CADM1: variants seen among roughly 807,000 people sequenced by gnomAD.
CADM1 encodes cell adhesion molecule 1.
Under a neutral mutation model 53.1 loss-of-function variants are expected in CADM1, and 15 were observed. The observed-to-expected ratio is 0.28, with a 90% CI of 0.19 to 0.44. CADM1 has a LOEUF of 0.44. CADM1 is among the 20% of genes least tolerant of loss of function. The pLI is 1.00. For missense variants in CADM1, 434 were observed against 611.3 expected, an observed-to-expected ratio of 0.71 and a Z score of 3.06; for synonymous variants, 281 against 243.0, an observed-to-expected ratio of 1.16 and a Z score of -1.45.
At chr11:115,484,980 G>A (rs535605008) in intron 1 of CADM1, among the ~76,000 whole-genome samples, 2 of 151,720 alleles carry the variant, frequency 1.3e-5, no homozygotes, top group Admixed American at 6.6e-5. Flanking sequence ...AAAACAACCT[G>A]GAATCTTGTT....
chr11:115,319,209 C>G (rs1944756194), intron 1 of CADM1, among the ~76,000 whole-genome samples: 3 of 152,124 alleles, frequency 2.0e-5, no homozygotes, highest in Admixed American at 2.0e-4. Context: ...TCCCTCACAT[C>G]TAGGTCATGA....
intron 10 of CADM1, among the ~76,000 whole-genome samples, chr11:115,189,403 C>A (rs1450965026): frequency 1.3e-5 from 2 of 152,164 alleles, no homozygotes; most frequent in African/African-American, 4.8e-5. Flanking sequence ...TCAGGGCCAA[C>A]ACACCCACCA....
At chr11:115,393,066 C>CAAAAA (rs758785520) in intron 1 of CADM1, among the ~76,000 whole-genome samples, 16 of 50,226 alleles carry the variant, frequency 3.2e-4, no homozygotes, top group Non-Finnish European at 4.9e-4. Flanking sequence ...CCATCTCTTC[C>CAAAAA]AAAAAAAAAA....
At chr11:115,452,968 A>C (rs1416582314) in intron 1 of CADM1, among the ~76,000 whole-genome samples, 1 of 152,168 alleles carries the variant, frequency 6.6e-6, no homozygotes, top group African/African-American at 2.4e-5. Context: ...ATAAGCATGT[A>C]ATGCTTTGCA....
intron 1 of CADM1, among the ~76,000 whole-genome samples, chr11:115,345,697 G>C (rs1380463059): frequency 6.6e-6 from 1 of 152,104 alleles, no homozygotes; most frequent in Non-Finnish European, 1.5e-5. Flanking sequence ...TTTACATCCT[G>C]TTTGTTTTAT....
At chr11:115,255,795 C>T (rs1942765976) in intron 1 of CADM1, among the ~76,000 whole-genome samples, 1 of 152,180 alleles carries the variant, frequency 6.6e-6, no homozygotes, top group Non-Finnish European at 1.5e-5. Flanking sequence ...CAATAGGAAA[C>T]TGAATGTATC....
chr11:115,310,508 G>T (rs1297152960), intron 1 of CADM1, among the ~76,000 whole-genome samples: 1 of 152,074 alleles, frequency 6.6e-6, no homozygotes, highest in African/African-American at 2.4e-5. Context: ...GGGGGGTGGA[G>T]AAAAGATAAC....
intron 1 of CADM1, among the ~76,000 whole-genome samples, chr11:115,422,655 AC>A (rs773781466): frequency 5.9e-4 from 90 of 152,216 alleles, no homozygotes; most frequent in Non-Finnish European, 1.0e-3. Flanking sequence ...AATTGAATAG[AC>A]CCTTTTACAA....
chr11:115,257,229 T>C lies in CADM1; in HGVS notation c.125-16809A>G, dbSNP rs182707710. ...TGCTGTTCTATTCACTTTTTAGATT[T>C]GCCAATTTTTGAGTGACTGCCAGCA... is the stretch of plus-strand genomic sequence containing the variant. On this transcript the variant is annotated intron_variant, in intron 1 of 11. Coordinates refer to ENST00000331581, the MANE Select transcript of CADM1 (RefSeq NM_001301043.2). Among the ~76,000 whole-genome samples, 11 of 152,314 alleles carry C rather than the reference T, an allele frequency of 7.2e-5. No homozygotes were observed. In the East Asian group the frequency reaches 2.1e-3, roughly 29 times the overall value.
intron 1 of CADM1, among the ~76,000 whole-genome samples, chr11:115,475,819 G>A (rs1430327753): frequency 3.3e-5 from 5 of 152,146 alleles, no homozygotes; most frequent in Non-Finnish European, 7.3e-5. Context: ...AGGGGATCCG[G>A]GTGAGTGAGG....
At chr11:115,436,297 A>G (rs11215556) in intron 1 of CADM1, among the ~76,000 whole-genome samples, 1 of 152,124 alleles carries the variant, frequency 6.6e-6, no homozygotes, top group Non-Finnish European at 1.5e-5. Context: ...GTAAGATTTT[A>G]TTTTTATTTA....
chr11:115,478,749 A>G (rs1401808623), intron 1 of CADM1, among the ~76,000 whole-genome samples: 1 of 152,184 alleles, frequency 6.6e-6, no homozygotes. Flanking sequence ...AGTATGCATT[A>G]TAGATTAATT....
chr11:115,439,823 A>AT, intron 1 of CADM1, among the ~76,000 whole-genome samples: 1 of 152,140 alleles, frequency 6.6e-6, no homozygotes, highest in East Asian at 1.9e-4. Context: ...TTCCTGGTTT[A>AT]TTTTTTCCCA....
In CADM1 at chr11:115,397,404, C is replaced by A. The variant is rs566668984; in HGVS notation, c.124+106867G>T. On this transcript the variant is annotated intron_variant, in intron 1 of 11. Transcript: ENST00000331581. The stretch of plus-strand genomic sequence containing the variant: ...CCTTAGCTAACTGCAAAATGAACAA[C>A]TTCCAAGGACTTGCTGCTACTCTCC... The A allele has an allele frequency of 2.0e-5, 3 of 152,256 alleles. No homozygotes were observed. The East Asian group carries it at 5.8e-4, about 29-fold the overall frequency. 9.4% of individuals were successfully genotyped at this position (152,256 alleles called of 1,614,324 possible).
intron 1 of CADM1, chr11:115,396,667 A>T (rs1265468806): frequency 6.6e-6 from 1 of 152,224 alleles, no homozygotes; most frequent in Non-Finnish European, 1.5e-5. Flanking sequence ...TACATCTGTG[A>T]CAGAATAACT....
At chr11:115,428,678 A>G (rs1253580512) in intron 1 of CADM1, among the ~76,000 whole-genome samples, 1 of 152,166 alleles carries the variant, frequency 6.6e-6, no homozygotes, top group African/African-American at 2.4e-5. Flanking sequence ...TTGCCTTGTT[A>G]TAATTCTTAA....
intron 1 of CADM1, among the ~76,000 whole-genome samples, chr11:115,498,450 CG>C (rs1214367659): frequency 2.0e-5 from 3 of 152,156 alleles, no homozygotes; most frequent in Non-Finnish European, 4.4e-5. Context: ...CTCACATGGA[CG>C]GTAATCATTA....
In CADM1 at chr11:115,487,451, A is replaced by G. The variant is rs146786806; in HGVS notation, c.124+16820T>C. ...ATCCTAAAACCTTGAAAAATATTCTATTAAAACATAACTCTATGCACTCAC... is the reference window on the plus strand; with the variant it reads ...ATCCTAAAACCTTGAAAAATATTCTGTTAAAACATAACTCTATGCACTCAC... On this transcript the variant is annotated intron_variant, in intron 1 of 11. Transcript: ENST00000331581. Among the ~76,000 whole-genome samples, 16 of 152,310 alleles carry G rather than the reference A, an allele frequency of 1.1e-4. No homozygotes were observed. The East Asian group carries it at 2.9e-3, about 28-fold the overall frequency.
intron 1 of CADM1, among the ~76,000 whole-genome samples, chr11:115,307,087 C>G (rs1165901036): frequency 6.6e-6 from 1 of 151,948 alleles, no homozygotes; most frequent in African/African-American, 2.4e-5. Context: ...TCAGGCCAAT[C>G]AAATGCACAT....
Sources: gnomAD v4.1 joint callset for allele counts (sites outside exome capture counted in the v4.1 genomes callset) on GRCh38, gnomAD v4.1.1 for gene constraint, MANE v1.5 for transcripts, NCBI Gene and HGNC (gene_info 2026-07-23, HGNC 2026-07-21) for gene names.